DNAH17: variants seen among roughly 807,000 people sequenced by gnomAD.
DNAH17 encodes axonemal beta dynein heavy chain 17.
Under a neutral mutation model 485.6 loss-of-function variants are expected in DNAH17, and 376 were observed. That is an observed-to-expected ratio of 0.77 (90% confidence interval 0.71 to 0.84). The LOEUF (loss-of-function observed/expected upper bound fraction) is 0.84, where lower values mean the gene tolerates loss of function less well. Among genes scored for constraint, DNAH17 ranks in the 40% least tolerant of loss-of-function variants. The pLI, the probability that DNAH17 is intolerant of heterozygous loss-of-function variation, is 0.00. For missense variants in DNAH17, 6,370 were observed against 5,839.3 expected, an observed-to-expected ratio of 1.09 and a Z score of -2.96; for synonymous variants, 3,031 against 2,405.9, an observed-to-expected ratio of 1.26 and a Z score of -7.60.
intron 16 of DNAH17, among the ~76,000 whole-genome samples, chr17:78,550,224 G>T (rs1258801259): frequency 6.6e-6 from 1 of 151,258 alleles, no homozygotes; most frequent in Non-Finnish European, 1.5e-5. Flanking sequence ...ATTAACACAA[G>T]GAGGCACACG....
intron 1 of DNAH17, among the ~76,000 whole-genome samples, chr17:78,576,286 CTAT>C (rs1309396820): frequency 6.6e-6 from 1 of 152,166 alleles, no homozygotes; most frequent in African/African-American, 2.4e-5. Context: ...GGCAAAACAA[CTAT>C]ATGATGGGAA....
At chr17:78,470,399 T>TAAAA (rs1486694274) in intron 54 of DNAH17, among the ~76,000 whole-genome samples, 1 of 147,910 alleles carries the variant, frequency 6.8e-6, no homozygotes, top group Non-Finnish European at 1.5e-5. Flanking sequence ...AAAAAAAAAT[T>TAAAA]AAAAAACAGG....
chr17:78,500,616 C>A, intron 35 of DNAH17, 155 bp from the exon 36 acceptor site: 1 of 661,740 alleles, frequency 1.5e-6, no homozygotes. Context: ...TCAAATGATT[C>A]TCATGCCTCA....
chr17:78,427,251 G>C, intron 77 of DNAH17, 143 bp from the exon 78 acceptor site: 1 of 750,766 alleles, frequency 1.3e-6, no homozygotes, highest in Non-Finnish European at 2.2e-6. Flanking sequence ...AGAAATGCAG[G>C]GTCATGGGTG....
At chr17:78,484,497 G>C (rs1044016098) in intron 48 of DNAH17, among the ~76,000 whole-genome samples, 8 of 152,088 alleles carry the variant, frequency 5.3e-5, no homozygotes, top group African/African-American at 1.7e-4. Flanking sequence ...TTTTCCTCAG[G>C]GCTCTTCCTT....
chr17:78,464,668 C>T (rs2088324604), intron 56 of DNAH17, among the ~76,000 whole-genome samples: 1 of 152,236 alleles, frequency 6.6e-6, no homozygotes, highest in South Asian at 2.1e-4. Flanking sequence ...CTTATTCCAG[C>T]AAATACAGGC....
At chr17:78,447,180 ACC>A in intron 69 of DNAH17, among the ~76,000 whole-genome samples, 1 of 150,564 alleles carries the variant, frequency 6.6e-6, no homozygotes, top group East Asian at 2.0e-4. Context: ...TCTTGCTTTG[ACC>A]TCCCAAAGTG....
intron 22 of DNAH17, among the ~76,000 whole-genome samples, chr17:78,527,304 T>C (rs2091105633): frequency 6.8e-6 from 1 of 147,864 alleles, no homozygotes; most frequent in Admixed American, 6.8e-5. Context: ...GGATGATCAC[T>C]TGGACTAGGA....
At chr17:78,575,199 CGA>C (rs748471780) in intron 1 of DNAH17, 117 bp from the exon 2 acceptor site, 4 of 755,342 alleles carry the variant, frequency 5.3e-6, no homozygotes, top group South Asian at 1.9e-5. Flanking sequence ...AACAGTTGGT[CGA>C]GAGTGTGCAG....
At position 78,485,039 on chromosome 17, in the gene DNAH17, G is replaced by C. The variant is rs768750650; in HGVS notation, c.7484-6C>G. ...CAGCGGCTTCTCCAGCACCCCTAGA[G>C]AGGGCAGAGGGTCAGCTGCCCGCCT... On this transcript the variant is annotated splice_region_variant and splice_polypyrimidine_tract_variant and intron_variant, in intron 47 of 80. Transcript: ENST00000389840. 1.3e-6 allele frequency: 2 copies of C among 1,596,794 alleles called. No homozygotes were observed. The highest frequency in any genetic ancestry group is 1.7e-4 in the Middle Eastern group (1 of 5,968).
intron 16 of DNAH17, among the ~76,000 whole-genome samples, chr17:78,547,649 ACT>A (rs1295343743): frequency 6.3e-5 from 9 of 142,612 alleles, no homozygotes; most frequent in African/African-American, 2.4e-4. Flanking sequence ...ATGGAGTCTC[ACT>A]CTGTCTCCCA....
chr17:78,484,071 G>GGGCAGC (rs1555670364), intron 48 of DNAH17, among the ~76,000 whole-genome samples: 1 of 114,440 alleles, frequency 8.7e-6, no homozygotes. Context: ...ACTCCAGCCT[G>GGGCAGC]AGAGACAGAG....
intron 37 of DNAH17, chr17:78,498,771 A>G: frequency 2.7e-6 from 1 of 364,480 alleles, no homozygotes; most frequent in Non-Finnish European, 4.9e-6. Flanking sequence ...TCCCACCTGT[A>G]TTTTGTTACA....
chr17:78,521,143 C>T (rs929767133), intron 25 of DNAH17, among the ~76,000 whole-genome samples: 7 of 152,232 alleles, frequency 4.6e-5, no homozygotes, highest in African/African-American at 1.4e-4. Flanking sequence ...CTGTGGCTCA[C>T]GCCTGTAATC....
Position 78,565,738 on chromosome 17 carries a change from G to A in DNAH17, c.1569+876C>T, listed in dbSNP as rs553293632. 1.2e-3 allele frequency among the ~76,000 whole-genome samples: 177 copies of A among 152,316 alleles called. 1 individual carries two copies. Among genetic ancestry groups the A allele is most frequent in the Admixed American group, 3.9e-3 (59 of 15,300 alleles). Reference sequence around the variant, plus strand: ...GGAGGCTGAGGTGGGCGGATCACCTGAGGTCAGGAGTTCGAGACCAGCCCA... The same window carrying A: ...GGAGGCTGAGGTGGGCGGATCACCTAAGGTCAGGAGTTCGAGACCAGCCCA... On this transcript the variant is annotated intron_variant, in intron 11 of 80. Coordinates refer to ENST00000389840, the MANE Select transcript of DNAH17 (RefSeq NM_173628.4).
intron 11 of DNAH17, among the ~76,000 whole-genome samples, chr17:78,565,969 A>AAAAAC (rs780685569): frequency 6.6e-6 from 1 of 151,878 alleles, no homozygotes; most frequent in Non-Finnish European, 1.5e-5. Flanking sequence ...AACAAACAAC[A>AAAAAC]AAAACAAAAC....
intron 22 of DNAH17, among the ~76,000 whole-genome samples, 184 bp downstream of exon 22, chr17:78,529,288 C>G (rs533813069): frequency 6.6e-6 from 1 of 152,142 alleles, no homozygotes; most frequent in Non-Finnish European, 1.5e-5. Context: ...GGAGGCAGTC[C>G]CCAGGGTCTC....
At chr17:78,522,628 T>C in intron 25 of DNAH17, 1 of 245,684 alleles carries the variant, frequency 4.1e-6, no homozygotes, top group South Asian at 4.6e-5. Context: ...CACCCATGAG[T>C]GCCCAGGCCA....
intron 66 of DNAH17, 139 bp from the exon 67 acceptor site, chr17:78,450,985 G>T: frequency 9.2e-7 from 1 of 1,083,016 alleles, no homozygotes; most frequent in Non-Finnish European, 1.3e-6. Context: ...GGAAGGGGCT[G>T]CAGAAGCAGA....
Sources: allele counts gnomAD v4.1 joint callset (sites outside exome capture counted in the v4.1 genomes callset), GRCh38; gene constraint gnomAD v4.1.1; transcripts MANE v1.5; gene names NCBI Gene and HGNC (gene_info 2026-07-23, HGNC 2026-07-21).